POU6F2: variants seen among roughly 807,000 people sequenced by gnomAD.
POU6F2 encodes the protein POU domain, class 6, transcription factor 2.
Under a neutral mutation model 71.3 loss-of-function variants are expected in POU6F2, and 31 were observed. The ratio of observed to expected loss-of-function variants is 0.43; its 90% CI spans 0.33 to 0.59. The LOEUF is 0.59. Ranked by LOEUF, POU6F2 falls within the 20% of genes least tolerant of loss-of-function variation. The pLI is 0.04. For missense variants in POU6F2, 783 were observed against 856.8 expected (o/e 0.91, Z 1.07); for synonymous variants, 347 against 355.7 (o/e 0.98, Z 0.27).
intron 3 of POU6F2, 47 bp from the exon 4 acceptor site, chr7:39,207,345 C>G: frequency 6.4e-7 from 1 of 1,569,714 alleles, no homozygotes; most frequent in South Asian, 1.1e-5. Context: ...AAAACCCATG[C>G]CTTGGTTCCA....
intron 1 of POU6F2, among the ~76,000 whole-genome samples, chr7:39,055,080 C>A (rs1276976320): frequency 6.6e-6 from 1 of 151,996 alleles, no homozygotes; most frequent in Non-Finnish European, 1.5e-5. Context: ...AAGCTGCTAT[C>A]TGAAGGTGAG....
chr7:39,461,422 C>T (rs1788947272), intron 9 of POU6F2, among the ~76,000 whole-genome samples: 1 of 152,144 alleles, frequency 6.6e-6, no homozygotes, highest in African/African-American at 2.4e-5. Flanking sequence ...GTGTGTTGCA[C>T]TAATCCCATG....
intron 2 of POU6F2, among the ~76,000 whole-genome samples, chr7:39,128,222 A>G (rs1393664325): frequency 6.6e-6 from 1 of 152,196 alleles, no homozygotes; most frequent in African/African-American, 2.4e-5. Context: ...TATCATGTAT[A>G]TGTATATGCA....
intron 1 of POU6F2, among the ~76,000 whole-genome samples, chr7:39,003,869 G>GA (rs927376640): frequency 8.6e-5 from 13 of 151,434 alleles, no homozygotes; most frequent in South Asian, 6.3e-4. Context: ...AATGTTAAGT[G>GA]AAAAAAAATA....
intron 1 of POU6F2, among the ~76,000 whole-genome samples, chr7:39,033,014 C>G (rs923826028): frequency 6.6e-6 from 1 of 152,196 alleles, no homozygotes; most frequent in Non-Finnish European, 1.5e-5. Context: ...TCAGTGTCAT[C>G]GAGTGTATGT....
intron 1 of POU6F2, among the ~76,000 whole-genome samples, chr7:39,077,691 T>C (rs1791028290): frequency 6.6e-6 from 1 of 152,194 alleles, no homozygotes; most frequent in South Asian, 2.1e-4. Context: ...TGCACACTCA[T>C]TGTTAGTAAT....
chr7:39,377,894 G>T (rs1394383916), intron 5 of POU6F2, among the ~76,000 whole-genome samples: 1 of 152,176 alleles, frequency 6.6e-6, no homozygotes, highest in African/African-American at 2.4e-5. Context: ...CAAAAGGTAG[G>T]TACCTCTAAG....
At chr7:39,084,140 A>G (rs1791187539) in intron 1 of POU6F2, among the ~76,000 whole-genome samples, 1 of 151,638 alleles carries the variant, frequency 6.6e-6, no homozygotes, top group South Asian at 2.1e-4. Flanking sequence ...TTGCTTTTTT[A>G]TTTATCCTGT....
chr7:39,109,370 A>G (rs1280714968), intron 2 of POU6F2, among the ~76,000 whole-genome samples: 1 of 152,222 alleles, frequency 6.6e-6, no homozygotes, highest in Non-Finnish European at 1.5e-5. Context: ...GAATAATTCC[A>G]TATACGATTA....
At chr7:39,451,759 A>G in intron 8 of POU6F2, 58 bp downstream of exon 8, 3 of 1,480,702 alleles carry the variant, frequency 2.0e-6, no homozygotes, top group South Asian at 2.4e-5. Context: ...GCCTATTTGC[A>G]ATGTCTTCCT....
Position 39,015,496 on chromosome 7 carries a change from ATTATATAT to A in POU6F2, c.105+37440_105+37447del, listed in dbSNP as rs1395568097. Among the ~76,000 whole-genome samples, 713 of 98,034 alleles carry A rather than the reference ATTATATAT, an allele frequency of 7.3e-3. 40 individuals carry two copies. In the East Asian group the frequency reaches 0.2, roughly 27 times the overall value. 64.3% of individuals were successfully genotyped at this position (98,034 alleles called of 152,430 possible). ...TTATATCTATGTTTTATATAGATAT[ATTATATAT>A]TATTATATATATAATATATCTATGT... On this transcript the variant is annotated intron_variant, in intron 1 of 9. Transcript: ENST00000518318.
At chr7:39,345,212 T>C (rs1786006092) in intron 5 of POU6F2, among the ~76,000 whole-genome samples, 1 of 152,182 alleles carries the variant, frequency 6.6e-6, no homozygotes, top group East Asian at 1.9e-4. Context: ...TAGTAAGGTC[T>C]TATTCATCTT....
At chr7:39,130,477 C>A (rs982419570) in intron 2 of POU6F2, among the ~76,000 whole-genome samples, 1 of 152,114 alleles carries the variant, frequency 6.6e-6, no homozygotes, top group Non-Finnish European at 1.5e-5. Flanking sequence ...GCTACGTAAG[C>A]ACAAGCAACC....
chr7:39,207,245 C>T, intron 3 of POU6F2, 147 bp from the exon 4 acceptor site: 3 of 667,280 alleles, frequency 4.5e-6, no homozygotes, highest in Non-Finnish European at 2.3e-6. Context: ...TTTTTTCTAC[C>T]AATCATTTTT....
At chr7:39,324,526 C>T (rs1434696770) in intron 4 of POU6F2, among the ~76,000 whole-genome samples, 7 of 152,190 alleles carry the variant, frequency 4.6e-5, no homozygotes, top group African/African-American at 1.2e-4. Flanking sequence ...ATTTAGGACA[C>T]GTAAAGAAGT....
chr7:39,067,001 A>G (rs866083975), intron 1 of POU6F2, among the ~76,000 whole-genome samples: 4 of 148,158 alleles, frequency 2.7e-5, no homozygotes, highest in Non-Finnish European at 6.0e-5. Context: ...TATAATTCAT[A>G]TATTAATATA....
At chr7:38,982,019 C>T (rs1788329845) in intron 1 of POU6F2, among the ~76,000 whole-genome samples, 1 of 152,060 alleles carries the variant, frequency 6.6e-6, no homozygotes, top group South Asian at 2.1e-4. Flanking sequence ...ATTTGCTTAC[C>T]TAAAATATGC....
intron 5 of POU6F2, among the ~76,000 whole-genome samples, chr7:39,349,817 G>A (rs1333449230): frequency 6.6e-6 from 1 of 152,190 alleles, no homozygotes; most frequent in Non-Finnish European, 1.5e-5. Flanking sequence ...CATTCTGGCT[G>A]AAAACACCAG....
intron 6 of POU6F2, among the ~76,000 whole-genome samples, 182 bp downstream of exon 6, chr7:39,406,922 AT>A (rs1414171628): frequency 3.9e-5 from 6 of 151,974 alleles, no homozygotes; most frequent in South Asian, 4.1e-4. Context: ...TAGAAGCAAG[AT>A]TTTTTTCCTA....
Sources: gnomAD v4.1 joint callset for allele counts (sites outside exome capture counted in the v4.1 genomes callset) on GRCh38, gnomAD v4.1.1 for gene constraint, MANE v1.5 for transcripts, NCBI Gene and HGNC (gene_info 2026-07-23, HGNC 2026-07-21) for gene names.